GRAMD1C: variants seen among roughly 807,000 people sequenced by gnomAD.
GRAMD1C encodes the protein protein Aster-C.
In GRAMD1C, 89 loss-of-function variants were observed where a neutral mutation model predicts 97.8. The observed-to-expected ratio is 0.91, with a 90% CI of 0.77 to 1.09. The LOEUF (loss-of-function observed/expected upper bound fraction) is 1.09, where lower values mean the gene tolerates loss of function less well. Among genes scored for constraint, GRAMD1C ranks in the 50% least tolerant of loss-of-function variants. GRAMD1C has a pLI of 0.00. For synonymous variants in GRAMD1C, 256 were observed against 267.0 expected (o/e 0.96, Z 0.40); for missense variants, 740 against 766.4 (o/e 0.97, Z 0.41).
chr3:113,917,856 C>CT (rs71144097), intron 10 of GRAMD1C, among the ~76,000 whole-genome samples: 6,485 of 41,882 alleles, frequency 0.15, 592 homozygotes, highest in African/African-American at 0.19. Flanking sequence ...CCATGCTTGG[C>CT]TTTTTTTTTT....
At chr3:113,912,732 GTCTCT>G (rs1170687128) in intron 9 of GRAMD1C, among the ~76,000 whole-genome samples, 1 of 144,268 alleles carries the variant, frequency 6.9e-6, no homozygotes, top group Non-Finnish European at 1.5e-5. Context: ...GCCAGATCCA[GTCTCT>G]TCAAAAAAAA....
chr3:113,860,748 C>T (rs892219068), intron 2 of GRAMD1C, among the ~76,000 whole-genome samples: 2 of 151,960 alleles, frequency 1.3e-5, no homozygotes, highest in African/African-American at 4.8e-5. Context: ...GGCAGATCAC[C>T]TGAGGTCAGG....
upstream of GRAMD1C, among the ~76,000 whole-genome samples, chr3:113,834,287 T>C (rs112324191): frequency 0.018 from 2,703 of 152,098 alleles, 76 homozygotes; most frequent in African/African-American, 0.06. Context: ...TCAAGCGATT[T>C]TCCTGCCTCA....
At chr3:113,834,433 T>C (rs573329251), upstream of GRAMD1C, among the ~76,000 whole-genome samples, 1 of 151,988 alleles carries the variant, frequency 6.6e-6, no homozygotes, top group East Asian at 1.9e-4. Flanking sequence ...CCTGCCTTGG[T>C]CTCCTGAAGT....
At chr3:113,907,350 T>C (rs952594943) in intron 8 of GRAMD1C, among the ~76,000 whole-genome samples, 1 of 152,250 alleles carries the variant, frequency 6.6e-6, no homozygotes, top group Non-Finnish European at 1.5e-5. Context: ...GTTTTGTGTT[T>C]TGTGTTTCTT....
intron 10 of GRAMD1C, among the ~76,000 whole-genome samples, chr3:113,927,556 G>A (rs1459149015): frequency 6.6e-6 from 1 of 152,184 alleles, no homozygotes; most frequent in African/African-American, 2.4e-5. Flanking sequence ...TAGGAGCTGT[G>A]GGACTGGATG....
intron 14 of GRAMD1C, among the ~76,000 whole-genome samples, chr3:113,937,738 C>T (rs187113505): frequency 3.9e-4 from 60 of 152,280 alleles, no homozygotes; most frequent in African/African-American, 1.4e-3. Flanking sequence ...GGTGCGGTGG[C>T]TCACGCCTGT....
rs1177539184 is a variant in GRAMD1C, at chr3:113,939,968, C to T, written c.1774C>T (p.Leu592Phe). The T allele has an allele frequency of 6.3e-7, 1 of 1,596,480 alleles. No homozygotes were observed. Among genetic ancestry groups the T allele is most frequent in the Non-Finnish European group, 8.6e-7 (1 of 1,163,852 alleles). The change falls in exon 16 of 18, where the codon CTC (leucine) becomes TTC (phenylalanine). Residue 592 changes from leucine (L) to phenylalanine (F), a missense_variant. Coordinates refer to ENST00000358160, the MANE Select transcript of GRAMD1C (RefSeq NM_017577.5). ...ACATGCTGCTCAGTCCTTTTACCGT[C>T]TCCGCCTCCAAGAAGAGAAATCTTT... ...IEHAAQSFYRLRLQEEKSLNL... is the reference protein window; with the variant it reads ...IEHAAQSFYRFRLQEEKSLNL...
At chr3:113,938,257 A>T (rs1163045233) in intron 15 of GRAMD1C, 114 bp downstream of exon 15, 2 of 487,362 alleles carry the variant, frequency 4.1e-6, no homozygotes, top group Non-Finnish European at 3.5e-6. Context: ...CCACTATTTG[A>T]CTATTGCCGG....
chr3:113,832,475 T>C (rs373237463), intron 1 of GRAMD1C, among the ~76,000 whole-genome samples: 2 of 152,208 alleles, frequency 1.3e-5, no homozygotes, highest in African/African-American at 2.4e-5. Flanking sequence ...AAATTAACCA[T>C]TTTATCCATT....
intron 10 of GRAMD1C, among the ~76,000 whole-genome samples, chr3:113,921,733 T>A (rs1937063743): frequency 6.6e-6 from 1 of 152,256 alleles, no homozygotes; most frequent in Admixed American, 6.5e-5. Context: ...TTTTTTCATA[T>A]GCTTGCTGGC....
chr3:113,929,798 G>T (rs1937345309), intron 10 of GRAMD1C, among the ~76,000 whole-genome samples: 1 of 152,124 alleles, frequency 6.6e-6, no homozygotes, highest in African/African-American at 2.4e-5. Context: ...CAATATAAAA[G>T]AAGTTGAGTA....
At chr3:113,841,392 TCTC>T (rs1368841232) in intron 1 of GRAMD1C, among the ~76,000 whole-genome samples, 1 of 145,106 alleles carries the variant, frequency 6.9e-6, no homozygotes, top group Non-Finnish European at 1.5e-5. Flanking sequence ...TTCAAGCAAT[TCTC>T]CTGCCTCAGC....
chr3:113,934,593 G>A (rs1937541619), intron 13 of GRAMD1C, 58 bp downstream of exon 13: 1 of 757,594 alleles, frequency 1.3e-6, no homozygotes, highest in Non-Finnish European at 2.3e-6. Flanking sequence ...TAACAAAATG[G>A]ATTGATTCTT....
rs141016618 is a variant in GRAMD1C, at chr3:113,923,450, C to G, written c.1091-7264C>G. Among the ~76,000 whole-genome samples, 69 of 152,218 alleles carry G rather than the reference C, an allele frequency of 4.5e-4. 1 individual carries two copies. The highest frequency in any genetic ancestry group is 1.6e-3 in the African/African-American group (66 of 41,550). On this transcript the variant is annotated intron_variant, in intron 10 of 17. Coordinates refer to ENST00000358160, the MANE Select transcript of GRAMD1C (RefSeq NM_017577.5). ...ATTTTGAGGTATGTTCCTTCAGTGC[C>G]TGGTTTGTTGAGGGTTTTTAACATG... is the stretch of plus-strand genomic sequence containing the variant.
intron 3 of GRAMD1C, among the ~76,000 whole-genome samples, chr3:113,870,849 G>C (rs986995661): frequency 8.0e-5 from 12 of 150,856 alleles, no homozygotes; most frequent in Admixed American, 8.0e-4. Context: ...GGGTGCAGTG[G>C]CTGATACCTG....
chr3:113,884,747 G>C (rs907409471), intron 6 of GRAMD1C, among the ~76,000 whole-genome samples: 16 of 151,862 alleles, frequency 1.1e-4, no homozygotes, highest in African/African-American at 3.9e-4. Flanking sequence ...GCTGAGGCAG[G>C]AGAATGGCGT....
intron 2 of GRAMD1C, among the ~76,000 whole-genome samples, chr3:113,859,551 G>A (rs182218447): frequency 1.3e-5 from 2 of 152,218 alleles, no homozygotes; most frequent in East Asian, 3.9e-4. Flanking sequence ...GTTTTAATAT[G>A]CATTTGAAAT....
intron 1 of GRAMD1C, 21 bp downstream of exon 1, chr3:113,838,957 G>A: frequency 8.1e-7 from 1 of 1,239,114 alleles, no homozygotes; most frequent in Non-Finnish European, 1.0e-6. Flanking sequence ...GGCCTCGCTG[G>A]GGCAGGTTCC....
Sources: allele counts gnomAD v4.1 joint callset (sites outside exome capture counted in the v4.1 genomes callset), GRCh38; gene constraint gnomAD v4.1.1; transcripts MANE v1.5; gene names NCBI Gene and HGNC (gene_info 2026-07-23, HGNC 2026-07-21).